Variants in ARID2 observed in about 807,000 individuals in gnomAD.
ARID2 encodes AT-rich interaction domain 2.
ARID2 carries 32 observed loss-of-function variants against 184.6 expected under a neutral mutation model. That is an observed-to-expected ratio of 0.17 (90% CI 0.13 to 0.23). The LOEUF is 0.23. Ranked by LOEUF, ARID2 falls within the 10% of genes least tolerant of loss-of-function variation. ARID2 has a pLI of 1.00. For missense variants in ARID2, 1,696 were observed against 2,197.6 expected, an observed-to-expected ratio of 0.77 and a Z score of 4.56; for synonymous variants, 836 against 772.6, an observed-to-expected ratio of 1.08 and a Z score of -1.36.
intron 3 of ARID2, among the ~76,000 whole-genome samples, chr12:45,756,761 T>C (rs1409149124): frequency 2.0e-5 from 3 of 152,106 alleles, no homozygotes; most frequent in Admixed American, 2.0e-4. Context: ...GAGCTATGTG[T>C]GGTGGCATGC....
rs2138166385 is a variant in ARID2, at chr12:45,850,947, G to C, written c.2824G>C (p.Ala942Pro). The stretch of plus-strand genomic sequence containing the variant: ...TCAACAAGGTCAAACTTATGCACCA[G>C]CCATTCACCAAATTGTTCTTGCTAA... The part of the protein sequence containing the change: ...PAQQGQTYAP[A>P]IHQIVLANPA... Residue 942 changes from alanine to proline, a missense_variant, in exon 15 of 21, where the codon GCC (alanine) becomes CCC (proline). Around this residue, in one of 11 missense-constraint regions of ARID2, gnomAD observed 713 missense variants for 824.4 expected, o/e 0.86. Transcript: ENST00000334344. The C allele has an allele frequency of 6.2e-7, 1 of 1,614,154 alleles. No individual in the cohort carries two copies. Among genetic ancestry groups the C allele is most frequent in the African/African-American group, 1.3e-5 (1 of 75,038 alleles).
Position 45,839,314 on chromosome 12 carries a change from TTTTA to T in ARID2, c.1331-7_1331-4del, listed in dbSNP as rs760547161. On this transcript the variant is annotated splice_polypyrimidine_tract_variant and intron_variant, in intron 10 of 20. Transcript: ENST00000334344. ...ATATTATTGACTAATAACTATTGCT[TTTTA>T]TTTATTTTAGACATGTTAGTGTGTC... The T allele has an allele frequency of 1.9e-6, 3 of 1,591,228 alleles. No homozygotes were observed. The African/African-American group carries it at 4.1e-5, about 22-fold the overall frequency.
At chr12:45,823,393 A>G (rs1284308520) in intron 6 of ARID2, among the ~76,000 whole-genome samples, 1 of 152,156 alleles carries the variant, frequency 6.6e-6, no homozygotes, top group African/African-American at 2.4e-5. Context: ...ACCTTAAGGA[A>G]CTAGAAAAGC....
intron 16 of ARID2, among the ~76,000 whole-genome samples, chr12:45,887,379 A>C (rs1205856649): frequency 2.6e-5 from 4 of 152,194 alleles, no homozygotes; most frequent in Admixed American, 6.5e-5. Context: ...TTTCTTTTGA[A>C]AAAGTAGCAG....
intron 11 of ARID2, chr12:45,840,952 A>G (rs954370308): frequency 6.6e-6 from 1 of 152,236 alleles, no homozygotes; most frequent in African/African-American, 2.4e-5. Flanking sequence ...CTGCCAGTCT[A>G]TTCAATGAGC....
intron 16 of ARID2, among the ~76,000 whole-genome samples, chr12:45,890,372 T>C (rs1352857706): frequency 6.6e-6 from 1 of 152,240 alleles, no homozygotes; most frequent in African/African-American, 2.4e-5. Context: ...TAGTGAGTAG[T>C]AGTACATTTG....
intron 15 of ARID2, among the ~76,000 whole-genome samples, chr12:45,859,870 A>T (rs1943712452): frequency 6.6e-6 from 1 of 152,130 alleles, no homozygotes; most frequent in Admixed American, 6.5e-5. Context: ...AGTAGCTGGG[A>T]TTACAGGCGC....
rs768132403 is a variant in ARID2, at chr12:45,852,801, G to A, written c.4678G>A (p.Ala1560Thr). The change falls in exon 15 of 21, where the codon GCA becomes ACA. Residue 1560 changes from alanine to threonine, a missense_variant. Ala to Thr is a moderately conservative substitution (Grantham distance 58). Transcript: ENST00000334344. ...SATMVAVPAGADPSTVAKVAI... is the reference protein window; with the variant it reads ...SATMVAVPAGTDPSTVAKVAI... ...AACAATGGTTGCTGTGCCAGCAGGA[G>A]CAGATCCAAGCACTGTAGCTAAAGT... 3.1e-6 allele frequency: 5 copies of A among 1,614,102 alleles called. No individual in the cohort carries two copies. The highest frequency in any genetic ancestry group is 4.2e-6 in the Non-Finnish European group (5 of 1,179,998).
chr12:45,791,233 T>TGG (rs906436981), intron 3 of ARID2, among the ~76,000 whole-genome samples: 3 of 148,884 alleles, frequency 2.0e-5, no homozygotes, highest in African/African-American at 7.6e-5. Flanking sequence ...TGTGTGTGTG[T>TGG]GGTAGCAGTC....
intron 15 of ARID2, among the ~76,000 whole-genome samples, chr12:45,856,310 G>A (rs1371152941): frequency 3.4e-5 from 5 of 149,194 alleles, no homozygotes; most frequent in South Asian, 2.1e-4. Context: ...CTCGTGATCC[G>A]CCCACCTCGG....
intron 15 of ARID2, among the ~76,000 whole-genome samples, chr12:45,856,775 A>G (rs1009167500): frequency 3.3e-5 from 5 of 152,218 alleles, no homozygotes. Context: ...AGTAAATGAT[A>G]TACCCATTGA....
intron 3 of ARID2, among the ~76,000 whole-genome samples, chr12:45,743,849 G>A (rs1269066624): frequency 6.6e-6 from 1 of 152,044 alleles, no homozygotes; most frequent in Non-Finnish European, 1.5e-5. Context: ...TTTATTCTTA[G>A]GGATATTGTT....
intron 6 of ARID2, among the ~76,000 whole-genome samples, chr12:45,833,129 T>A (rs894347918): frequency 6.6e-6 from 1 of 152,196 alleles, no homozygotes; most frequent in Admixed American, 6.5e-5. Context: ...GTTAAGCAAA[T>A]CTTGTATATT....
chr12:45,749,415 A>G (rs1941418420), intron 3 of ARID2, among the ~76,000 whole-genome samples: 1 of 152,152 alleles, frequency 6.6e-6, no homozygotes, highest in Non-Finnish European at 1.5e-5. Context: ...TATAGAGTAC[A>G]GACAGAGTAG....
intron 3 of ARID2, among the ~76,000 whole-genome samples, chr12:45,804,193 C>A (rs1443397685): frequency 6.6e-6 from 1 of 152,116 alleles, no homozygotes; most frequent in Non-Finnish European, 1.5e-5. Flanking sequence ...ATTGGAAATT[C>A]TCTGAATTGC....
chr12:45,767,733 G>A (rs1412830723), intron 3 of ARID2, among the ~76,000 whole-genome samples: 1 of 152,170 alleles, frequency 6.6e-6, no homozygotes, highest in Non-Finnish European at 1.5e-5. Flanking sequence ...TGTATCTGTG[G>A]AACTATAGTT....
intron 3 of ARID2, among the ~76,000 whole-genome samples, chr12:45,748,100 C>T (rs777528543): frequency 1.3e-5 from 2 of 152,162 alleles, no homozygotes; most frequent in African/African-American, 2.4e-5. Flanking sequence ...GGTGGCTCAA[C>T]GCCTGTAGGC....
At chr12:45,877,237 A>T (rs2138212343) in intron 16 of ARID2, among the ~76,000 whole-genome samples, 1 of 152,252 alleles carries the variant, frequency 6.6e-6, no homozygotes, top group Middle Eastern at 3.4e-3. Context: ...CCAGGCAAAA[A>T]AGCAAAGCTT....
chr12:45,843,837 T>C (rs1002322097), intron 11 of ARID2, among the ~76,000 whole-genome samples: 1 of 152,216 alleles, frequency 6.6e-6, no homozygotes, highest in Non-Finnish European at 1.5e-5. Context: ...ATAGTTTTTA[T>C]TAACAAAAGT....
Sources: allele counts gnomAD v4.1 joint callset (sites outside exome capture counted in the v4.1 genomes callset), GRCh38; gene constraint gnomAD v4.1.1; regional missense constraint gnomAD v4.1.1; transcripts MANE v1.5; gene names NCBI Gene and HGNC (gene_info 2026-07-23, HGNC 2026-07-21).